The following EPHA7 variants were observed in gnomAD, a reference collection of about 807,000 sequenced individuals.
EPHA7 encodes the protein EPH receptor A7.
In EPHA7, 25 loss-of-function variants were observed where a neutral mutation model predicts 112.6. The observed-to-expected ratio is 0.22, with a 90% CI of 0.16 to 0.31. The LOEUF (loss-of-function observed/expected upper bound fraction) is 0.31. Ranked by LOEUF, EPHA7 falls within the 10% of genes least tolerant of loss-of-function variation. EPHA7 has a pLI of 1.00. For synonymous variants in EPHA7, 437 were observed against 406.5 expected, an observed-to-expected ratio of 1.07 and a Z score of -0.90; for missense variants, 962 against 1,212.6, an observed-to-expected ratio of 0.79 and a Z score of 3.07.
Position 93,264,585 on chromosome 6 carries a change from G to C in EPHA7, c.1742+9C>G. ...TTATGTTAGAGATTAGAACAACTTT[G>C]TGTTCTACCTTCTCCCAATGATGAA... On this transcript the variant is annotated intron_variant, in intron 8 of 16. Transcript: ENST00000369303. 1 of 1,539,460 alleles carries C rather than the reference G, an allele frequency of 6.5e-7. No individual in the cohort carries two copies. Among genetic ancestry groups the C allele is most frequent in the Non-Finnish European group, 8.9e-7 (1 of 1,117,796 alleles).
At chr6:93,260,270 A>G (rs1006927641) in intron 9 of EPHA7, among the ~76,000 whole-genome samples, 1 of 151,934 alleles carries the variant, frequency 6.6e-6, no homozygotes, top group African/African-American at 2.4e-5. Context: ...CACAAAAGGT[A>G]GTCAAAATGC....
At position 93,356,845 on chromosome 6, in the gene EPHA7, T is replaced by C. The variant is rs1168434262; in HGVS notation, c.1196A>G (p.Tyr399Cys). The change falls in exon 5 of 17, where the codon TAT (tyrosine) becomes TGT (cysteine). Residue 399 changes from tyrosine to cysteine, a missense_variant. Around this residue, in one of 3 missense-constraint regions of EPHA7, gnomAD observed 746 missense variants for 889.2 expected, o/e 0.84. Coordinates refer to ENST00000369303, the MANE Select transcript of EPHA7 (RefSeq NM_004440.4). Reference sequence around the variant, plus strand: ...GGCTAGCAGGTCCATGACAGTGACATAGTTATCCTCTAATCCAGTCTGCTG... The same window carrying C: ...GGCTAGCAGGTCCATGACAGTGACACAGTTATCCTCTAATCCAGTCTGCTG... ...MPQQTGLEDN[Y>C]VTVMDLLAHA... The C allele has an allele frequency of 6.2e-7, 1 of 1,614,042 alleles. No individual in the cohort carries two copies. The highest frequency in any genetic ancestry group is 8.5e-7 in the Non-Finnish European group (1 of 1,180,030).
chr6:93,326,787 C>T (rs1233608861), intron 5 of EPHA7, among the ~76,000 whole-genome samples: 2 of 151,382 alleles, frequency 1.3e-5, no homozygotes, highest in Non-Finnish European at 3.0e-5. Context: ...ATGACAGGTG[C>T]TTAATATTTA....
chr6:93,385,848 A>T (rs1777575642), intron 3 of EPHA7, among the ~76,000 whole-genome samples: 1 of 152,178 alleles, frequency 6.6e-6, no homozygotes, highest in Non-Finnish European at 1.5e-5. Context: ...CATAACTGGG[A>T]AGGTCTCAGG....
intron 5 of EPHA7, among the ~76,000 whole-genome samples, chr6:93,278,776 T>A (rs1771590338): frequency 6.6e-6 from 1 of 151,886 alleles, no homozygotes; most frequent in South Asian, 2.1e-4. Flanking sequence ...TAGCATCATC[T>A]CAGAGTCATA....
intron 5 of EPHA7, among the ~76,000 whole-genome samples, chr6:93,309,974 CTT>C (rs1442336578): frequency 6.6e-6 from 1 of 152,104 alleles, no homozygotes; most frequent in East Asian, 1.9e-4. Context: ...ATTTTAATCA[CTT>C]TAGTCATTTT....
rs372767292 is a variant in EPHA7 at position 93,408,394 on chromosome 6, G to A, written c.832+2107C>T. The stretch of plus-strand genomic sequence containing the variant: ...CTTTCATTGAATTGATTAGTTCACT[G>A]AGAATATTTCTCTACTTACCCAGTG... On this transcript the variant is annotated intron_variant, in intron 3 of 16. Coordinates refer to ENST00000369303, the MANE Select transcript of EPHA7 (RefSeq NM_004440.4). 5.9e-5 allele frequency among the ~76,000 whole-genome samples: 9 copies of A among 152,112 alleles called. No homozygotes were observed. In the East Asian group the frequency reaches 9.7e-4, roughly 16 times the overall value.
intron 5 of EPHA7, among the ~76,000 whole-genome samples, chr6:93,279,141 C>A (rs188151325): frequency 6.6e-6 from 1 of 152,108 alleles, no homozygotes; most frequent in Admixed American, 6.6e-5. Flanking sequence ...CCAACCTGTC[C>A]CCATGTAACT....
chr6:93,405,809 GTGTGTATATATATATATATATA>G (rs1372298640), intron 3 of EPHA7, among the ~76,000 whole-genome samples: 1 of 61,624 alleles, frequency 1.6e-5, no homozygotes, highest in African/African-American at 8.7e-5. Flanking sequence ...GTGTGTGTGT[GTGTGTATATATATATATATATA>G]TATATATATA....
At chr6:93,381,318 C>T (rs1195842216) in intron 3 of EPHA7, among the ~76,000 whole-genome samples, 1 of 152,116 alleles carries the variant, frequency 6.6e-6, no homozygotes, top group Non-Finnish European at 1.5e-5. Flanking sequence ...ATACCTATCT[C>T]ATTTTCATAA....
chr6:93,401,184 T>C (rs1005688849), intron 3 of EPHA7, among the ~76,000 whole-genome samples: 1 of 152,008 alleles, frequency 6.6e-6, no homozygotes, highest in African/African-American at 2.4e-5. Context: ...AGAGATAACA[T>C]AATCATCAGC....
At chr6:93,267,755 A>G (rs1369776775) in intron 7 of EPHA7, among the ~76,000 whole-genome samples, 8 of 151,906 alleles carry the variant, frequency 5.3e-5, no homozygotes, top group Admixed American at 2.6e-4. Context: ...AATGATATCT[A>G]TGAATCTCAG....
intron 5 of EPHA7, among the ~76,000 whole-genome samples, chr6:93,287,840 T>C (rs1172611025): frequency 6.6e-6 from 1 of 152,154 alleles, no homozygotes; most frequent in Non-Finnish European, 1.5e-5. Context: ...ATGTTCATCA[T>C]TATTAGTTAT....
At chr6:93,369,210 ACACACACT>A in intron 3 of EPHA7, among the ~76,000 whole-genome samples, 1 of 151,312 alleles carries the variant, frequency 6.6e-6, no homozygotes, top group East Asian at 2.0e-4. Flanking sequence ...ACACACACAC[ACACACACT>A]TGCAAGATAC....
At chr6:93,299,941 A>C (rs751305326) in intron 5 of EPHA7, among the ~76,000 whole-genome samples, 2 of 152,106 alleles carry the variant, frequency 1.3e-5, no homozygotes, top group African/African-American at 4.8e-5. Flanking sequence ...CATGGACACA[A>C]ATAGGGGAAC....
Position 93,257,600 on chromosome 6 carries a change from A to T in EPHA7, c.2111-77T>A, listed in dbSNP as rs901868436. 8.9e-6 allele frequency: 8 copies of T among 903,440 alleles called. No individual in the cohort carries two copies. In the African/African-American group the frequency reaches 1.2e-4, roughly 13 times the overall value. The allele number at this position is 903,440 out of a possible 1,614,324, so 56.0% of individuals were successfully genotyped here. A position where few individuals can be genotyped will look rare whatever the true frequency, so the allele number is the denominator to read the frequency against. ...ATTTCCTTTCTCATCCCCCAATAAA[A>T]CACATGGTGTTCTTTTGAAAGAGTG... On this transcript the variant is annotated intron_variant, in intron 11 of 16. Coordinates refer to ENST00000369303, the MANE Select transcript of EPHA7 (RefSeq NM_004440.4).
At position 93,240,185 on chromosome 6, in the gene EPHA7, G is replaced by A. The variant is rs781578949; in HGVS notation, c.*3241C>T. On this transcript the variant is annotated 3_prime_UTR_variant, in exon 17 of 17. Coordinates refer to ENST00000369303, the MANE Select transcript of EPHA7 (RefSeq NM_004440.4). Reference sequence around the variant, plus strand: ...GACCCCTGTAGTATTTCTTAGGCAAGGAGGGACAAATTCAACCAACGAAAA... The same window carrying A: ...GACCCCTGTAGTATTTCTTAGGCAAAGAGGGACAAATTCAACCAACGAAAA... 7 of 223,406 alleles carry A rather than the reference G, an allele frequency of 3.1e-5. No homozygotes were observed. The highest frequency in any genetic ancestry group is 5.4e-5 in the Non-Finnish European group (6 of 111,922). The allele number at this position is 223,406 out of a possible 1,614,324, so 13.8% of individuals were successfully genotyped here. A position where few individuals can be genotyped will look rare whatever the true frequency, so the allele number is the denominator to read the frequency against.
rs1582375386 is a variant in EPHA7 at position 93,242,424 on chromosome 6, A to T, written c.*1002T>A. 1 of 193,754 alleles carries T rather than the reference A, an allele frequency of 5.2e-6. No homozygotes were observed. Among genetic ancestry groups the T allele is most frequent in the Admixed American group, 6.1e-5 (1 of 16,412 alleles). 12.0% of individuals were successfully genotyped at this position (193,754 alleles called of 1,614,324 possible). On this transcript the variant is annotated 3_prime_UTR_variant, in exon 17 of 17. Coordinates refer to ENST00000369303, the MANE Select transcript of EPHA7 (RefSeq NM_004440.4). ...TTCAACAGAAGAGGATATAAAATATATGTCAACTATTTATCCTAAATTTCC... is the reference window on the plus strand; with the variant it reads ...TTCAACAGAAGAGGATATAAAATATTTGTCAACTATTTATCCTAAATTTCC...
chr6:93,290,136 A>G (rs1171860243), intron 5 of EPHA7, among the ~76,000 whole-genome samples: 1 of 152,012 alleles, frequency 6.6e-6, no homozygotes, highest in Non-Finnish European at 1.5e-5. Flanking sequence ...AAATATACAC[A>G]TATGTAATGA....
Sources: gnomAD v4.1 joint callset for allele counts (sites outside exome capture counted in the v4.1 genomes callset) on GRCh38, gnomAD v4.1.1 for gene constraint, gnomAD v4.1.1 regional missense constraint, MANE v1.5 for transcripts, NCBI Gene and HGNC (gene_info 2026-07-23, HGNC 2026-07-21) for gene names.